Variants in WWOX observed in about 807,000 individuals in gnomAD.
The protein encoded by WWOX is WW domain-containing oxidoreductase.
A neutral mutation model predicts 46.2 loss-of-function variants in WWOX; 69 were observed. The observed-to-expected ratio is 1.49, with a 90% CI of 1.23 to 1.82. WWOX has a LOEUF of 1.82. Ranked by LOEUF, WWOX falls within the 40% of genes most tolerant of loss-of-function variation. The probability of loss-of-function intolerance (pLI) is 0.00; values close to 1 mark genes in which losing one functional copy is unlikely to be tolerated. For missense variants in WWOX, 919 were observed against 542.6 expected (o/e 1.69, Z -6.89); for synonymous variants, 359 against 202.6 (o/e 1.77, Z -6.56).
At position 78,876,801 on chromosome 16, in the gene WWOX, A is replaced by G. The variant is rs1036943818; in HGVS notation, c.1057-334807A>G. 4.6e-5 allele frequency among the ~76,000 whole-genome samples: 7 copies of G among 152,170 alleles called. No homozygotes were observed. In the East Asian group the frequency reaches 9.6e-4, roughly 21 times the overall value. On this transcript the variant is annotated intron_variant, in intron 8 of 8. Coordinates refer to ENST00000566780, the MANE Select transcript of WWOX (RefSeq NM_016373.4). ...AAATGCCTTAAACACCTCATCTATT[A>G]TGCTGTGCTCAAACAGATATTTTCA...
At chr16:78,231,462 C>T (rs1047091666) in intron 5 of WWOX, among the ~76,000 whole-genome samples, 1 of 152,168 alleles carries the variant, frequency 6.6e-6, no homozygotes, top group African/African-American at 2.4e-5. Context: ...AGGTGGCCAT[C>T]GAAAATAGTC....
At chr16:79,181,211 A>G (rs1026159344) in intron 8 of WWOX, among the ~76,000 whole-genome samples, 2 of 152,224 alleles carry the variant, frequency 1.3e-5, no homozygotes, top group African/African-American at 4.8e-5. Flanking sequence ...TATTTTGTCC[A>G]TTATTTTAAA....
In WWOX at chr16:78,487,324, G is replaced by A. The variant is rs182709477; in HGVS notation, c.1056+54572G>A. On this transcript the variant is annotated intron_variant, in intron 8 of 8. Transcript: ENST00000566780. Reference sequence around the variant, plus strand: ...GGTTATTTTCCTCCCAGAAAAAGTAGATGCATCAGCAGAGTTGAGCCCCTG... The same window carrying A: ...GGTTATTTTCCTCCCAGAAAAAGTAAATGCATCAGCAGAGTTGAGCCCCTG... Among the ~76,000 whole-genome samples the A allele has an allele frequency of 1.2e-4, 19 of 152,028 alleles. No homozygotes were observed. The East Asian group carries it at 3.5e-3, about 28-fold the overall frequency.
chr16:78,204,691 T>G (rs1394165137), intron 5 of WWOX, among the ~76,000 whole-genome samples: 1 of 152,172 alleles, frequency 6.6e-6, no homozygotes, highest in Non-Finnish European at 1.5e-5. Flanking sequence ...ATCTGCATCA[T>G]GGGACTGCAC....
chr16:78,359,579 C>G (rs1462992485), intron 5 of WWOX, among the ~76,000 whole-genome samples: 1 of 152,112 alleles, frequency 6.6e-6, no homozygotes, highest in Non-Finnish European at 1.5e-5. Context: ...TTTTCAGCAT[C>G]TTATAGCTTA....
intron 8 of WWOX, among the ~76,000 whole-genome samples, chr16:79,025,763 C>T (rs531938695): frequency 4.0e-5 from 6 of 149,796 alleles, no homozygotes; most frequent in African/African-American, 1.5e-4. Context: ...CATCCTTCAT[C>T]TCCCCTGTTG....
At chr16:78,822,250 T>G (rs1417499030) in intron 8 of WWOX, among the ~76,000 whole-genome samples, 1 of 152,064 alleles carries the variant, frequency 6.6e-6, no homozygotes, top group African/African-American at 2.4e-5. Flanking sequence ...TCACAGCACT[T>G]TAGGAGGCCA....
At chr16:79,177,244 T>C (rs1198486039) in intron 8 of WWOX, among the ~76,000 whole-genome samples, 1 of 152,126 alleles carries the variant, frequency 6.6e-6, no homozygotes, top group Non-Finnish European at 1.5e-5. Flanking sequence ...GCGAGTGCCG[T>C]TGTGGCCGAC....
At chr16:78,116,290 T>A (rs1270421756) in intron 4 of WWOX, among the ~76,000 whole-genome samples, 1 of 152,214 alleles carries the variant, frequency 6.6e-6, no homozygotes, top group Non-Finnish European at 1.5e-5. Flanking sequence ...TGCACTTCTT[T>A]CTTAATTTTG....
intron 8 of WWOX, among the ~76,000 whole-genome samples, chr16:79,049,796 C>G (rs149301538): frequency 0.011 from 1,624 of 150,632 alleles, 31 homozygotes; most frequent in African/African-American, 0.038. Flanking sequence ...GATCATCCCA[C>G]CGCACACCAG....
At chr16:78,286,529 A>G (rs1052205512) in intron 5 of WWOX, among the ~76,000 whole-genome samples, 4 of 152,204 alleles carry the variant, frequency 2.6e-5, no homozygotes, top group African/African-American at 9.7e-5. Context: ...AAAATAATAC[A>G]TGATGTCTTC....
chr16:78,511,688 G>C (rs2085365253), intron 8 of WWOX, among the ~76,000 whole-genome samples: 1 of 152,166 alleles, frequency 6.6e-6, no homozygotes, highest in Non-Finnish European at 1.5e-5. Flanking sequence ...CCCCCGCCTA[G>C]GGTGCTGCTA....
chr16:78,681,527 C>A (rs2047728843), intron 8 of WWOX, among the ~76,000 whole-genome samples: 1 of 147,152 alleles, frequency 6.8e-6, no homozygotes, highest in East Asian at 2.0e-4. Flanking sequence ...CTCGTGCCAC[C>A]CAAGATTTCC....
At chr16:78,503,799 C>A (rs1357296112) in intron 8 of WWOX, 2 of 152,194 alleles carry the variant, frequency 1.3e-5, no homozygotes, top group African/African-American at 4.8e-5. Flanking sequence ...GGATTCATAT[C>A]TGGAAGAGAA....
chr16:78,733,208 C>T (rs1011112320), intron 8 of WWOX, among the ~76,000 whole-genome samples: 1 of 152,122 alleles, frequency 6.6e-6, no homozygotes, highest in Non-Finnish European at 1.5e-5. Context: ...AATAGAAGAG[C>T]AATATCATTT....
intron 8 of WWOX, among the ~76,000 whole-genome samples, chr16:78,663,983 T>C (rs981932328): frequency 2.0e-5 from 3 of 152,192 alleles, no homozygotes; most frequent in Non-Finnish European, 4.4e-5. Flanking sequence ...GTCTGGATTT[T>C]CCTTGACTTA....
At chr16:78,864,276 T>G (rs1464238667) in intron 8 of WWOX, among the ~76,000 whole-genome samples, 1 of 151,926 alleles carries the variant, frequency 6.6e-6, no homozygotes, top group African/African-American at 2.4e-5. Context: ...ACAGATTTTT[T>G]TTTTTTTTGA....
intron 8 of WWOX, among the ~76,000 whole-genome samples, chr16:78,686,938 G>A (rs1209103002): frequency 6.6e-6 from 1 of 152,212 alleles, no homozygotes; most frequent in Non-Finnish European, 1.5e-5. Flanking sequence ...CCATATCCAA[G>A]CAGCTAAGGC....
chr16:78,910,205 G>A (rs1423589122), intron 8 of WWOX, among the ~76,000 whole-genome samples: 2 of 152,160 alleles, frequency 1.3e-5, no homozygotes, highest in African/African-American at 2.4e-5. Context: ...AGCCAAAGAA[G>A]CATGAACTGT....
Sources: allele counts gnomAD v4.1 joint callset (sites outside exome capture counted in the v4.1 genomes callset), GRCh38; gene constraint gnomAD v4.1.1; transcripts MANE v1.5; gene names NCBI Gene and HGNC (gene_info 2026-07-23, HGNC 2026-07-21).